Variants in TOX observed in about 807,000 individuals in gnomAD.
TOX encodes the protein thymocyte selection-associated high mobility group box protein TOX.
In TOX, 11 loss-of-function variants were observed where a neutral mutation model predicts 53.7. The ratio of observed to expected loss-of-function variants is 0.20; its 90% CI spans 0.13 to 0.34. The LOEUF (loss-of-function observed/expected upper bound fraction) is 0.34. Ranked by LOEUF, TOX falls within the 10% of genes least tolerant of loss-of-function variation. The probability of loss-of-function intolerance (pLI) is 1.00; values close to 1 mark genes in which losing one functional copy is unlikely to be tolerated. For missense variants in TOX, 570 were observed against 664.6 expected, an observed-to-expected ratio of 0.86 and a Z score of 1.56; for synonymous variants, 225 against 245.3, an observed-to-expected ratio of 0.92 and a Z score of 0.77.
At chr8:59,046,617 A>C (rs142644606) in intron 1 of TOX, among the ~76,000 whole-genome samples, 3,316 of 152,226 alleles carry the variant, frequency 0.022, 86 homozygotes, top group South Asian at 0.087. Context: ...CAGCACTTTG[A>C]GAGGCCAAAG....
intron 2 of TOX, among the ~76,000 whole-genome samples, chr8:58,956,085 C>A (rs536568489): frequency 6.6e-6 from 1 of 152,126 alleles, no homozygotes; most frequent in Non-Finnish European, 1.5e-5. Context: ...TGGGGGAAAG[C>A]CATGGCACAT....
chr8:58,842,960 C>A (rs1174598609), intron 4 of TOX, among the ~76,000 whole-genome samples: 2 of 152,154 alleles, frequency 1.3e-5, no homozygotes, highest in Non-Finnish European at 2.9e-5. Flanking sequence ...TGACTTCTGC[C>A]TCCACATTTT....
intron 1 of TOX, among the ~76,000 whole-genome samples, chr8:59,052,693 G>A (rs1211221033): frequency 6.6e-6 from 1 of 152,156 alleles, no homozygotes; most frequent in Non-Finnish European, 1.5e-5. Context: ...TTCACCAGCT[G>A]GGTGACACTG....
intron 3 of TOX, among the ~76,000 whole-genome samples, chr8:58,864,006 A>G (rs1278209850): frequency 6.6e-6 from 1 of 152,148 alleles, no homozygotes; most frequent in Non-Finnish European, 1.5e-5. Context: ...CAGAAGGTAC[A>G]TGAGTAGAAT....
At chr8:59,074,664 T>A (rs566370763) in intron 1 of TOX, among the ~76,000 whole-genome samples, 2 of 152,188 alleles carry the variant, frequency 1.3e-5, no homozygotes, top group Admixed American at 1.3e-4. Context: ...GAGAAAAAAA[T>A]CAAGGTGAAT....
At chr8:58,830,566 T>A (rs1000364503) in intron 5 of TOX, among the ~76,000 whole-genome samples, 4 of 152,326 alleles carry the variant, frequency 2.6e-5, no homozygotes, top group African/African-American at 9.6e-5. Flanking sequence ...CAATCTGTCA[T>A]TTTCCTTTTA....
intron 1 of TOX, among the ~76,000 whole-genome samples, chr8:58,973,669 C>A (rs564323034): frequency 6.6e-6 from 1 of 152,088 alleles, no homozygotes; most frequent in African/African-American, 2.4e-5. Flanking sequence ...TTCCTTGGTT[C>A]TTTGTGGATT....
chr8:58,973,339 T>C (rs1813033796), intron 1 of TOX, among the ~76,000 whole-genome samples: 1 of 151,534 alleles, frequency 6.6e-6, no homozygotes. Flanking sequence ...TAATGTGGTT[T>C]CTCAAAATAG....
intron 1 of TOX, among the ~76,000 whole-genome samples, chr8:58,969,602 C>T (rs1193693450): frequency 6.6e-6 from 1 of 152,062 alleles, no homozygotes; most frequent in Non-Finnish European, 1.5e-5. Flanking sequence ...TAGTTTAAGG[C>T]TTCACACATA....
intron 3 of TOX, among the ~76,000 whole-genome samples, chr8:58,925,210 C>G (rs539769543): frequency 6.6e-6 from 1 of 152,216 alleles, no homozygotes; most frequent in Non-Finnish European, 1.5e-5. Flanking sequence ...TTAAAAAGGC[C>G]AAAATGTTAA....
intron 1 of TOX, among the ~76,000 whole-genome samples, chr8:59,110,714 T>C (rs1378773747): frequency 1.3e-5 from 2 of 151,488 alleles, no homozygotes; most frequent in African/African-American, 2.4e-5. Flanking sequence ...ACTCTTAATG[T>C]GGAGAGGGAA....
chr8:58,850,294 A>T (rs752972067), intron 4 of TOX, among the ~76,000 whole-genome samples: 1 of 152,230 alleles, frequency 6.6e-6, no homozygotes, highest in Non-Finnish European at 1.5e-5. Context: ...GGCACAGCAG[A>T]GCCCACAGGG....
intron 1 of TOX, among the ~76,000 whole-genome samples, chr8:59,038,495 A>G (rs1340664088): frequency 1.3e-5 from 2 of 152,218 alleles, no homozygotes; most frequent in Admixed American, 6.5e-5. Context: ...TTTTCAGCCA[A>G]TAGTATCATT....
chr8:58,933,848 C>A (rs896919696), intron 3 of TOX, among the ~76,000 whole-genome samples: 9 of 152,202 alleles, frequency 5.9e-5, no homozygotes, highest in African/African-American at 2.2e-4. Context: ...CTAACTCCTG[C>A]ACCCCACCCC....
chr8:58,899,672 C>T (rs1163690890), intron 3 of TOX, among the ~76,000 whole-genome samples: 1 of 152,126 alleles, frequency 6.6e-6, no homozygotes, highest in Non-Finnish European at 1.5e-5. Flanking sequence ...AAGCTGGAAT[C>T]CAAAATGCTC....
intron 2 of TOX, among the ~76,000 whole-genome samples, chr8:58,941,413 T>C (rs151044459): frequency 3.0e-4 from 46 of 152,308 alleles, no homozygotes; most frequent in African/African-American, 1.1e-3. Flanking sequence ...AAATAACTTG[T>C]CCAAGTTCAC....
chr8:59,040,921 C>G (rs1205609718), intron 1 of TOX, among the ~76,000 whole-genome samples: 3 of 152,210 alleles, frequency 2.0e-5, no homozygotes, highest in African/African-American at 7.2e-5. Context: ...AGGACACACC[C>G]TTGCTTCAAA....
At chr8:58,829,356 C>G (rs1017801522) in intron 5 of TOX, among the ~76,000 whole-genome samples, 8 of 152,108 alleles carry the variant, frequency 5.3e-5, no homozygotes, top group African/African-American at 7.2e-5. Context: ...ATGCAGAGTC[C>G]CCTGTTTTCT....
intron 1 of TOX, among the ~76,000 whole-genome samples, chr8:59,007,555 TG>T (rs1235417357): frequency 1.3e-5 from 2 of 152,188 alleles, no homozygotes; most frequent in Non-Finnish European, 2.9e-5. Flanking sequence ...TTTTGAATAA[TG>T]GTATCTGAGT....
Sources: gnomAD v4.1 joint callset for allele counts (sites outside exome capture counted in the v4.1 genomes callset) on GRCh38, gnomAD v4.1.1 for gene constraint, MANE v1.5 for transcripts, NCBI Gene and HGNC (gene_info 2026-07-23, HGNC 2026-07-21) for gene names.